Variants in TECPR1 observed in about 807,000 individuals in gnomAD.
TECPR1 encodes tectonin beta-propeller repeat containing 1, also known as tectonin beta-propeller repeat-containing protein 1.
TECPR1 carries 122 observed loss-of-function variants against 162.4 expected under a neutral mutation model. The ratio of observed to expected loss-of-function variants is 0.75; its 90% CI spans 0.65 to 0.87. The LOEUF is 0.87. TECPR1 is among the 40% of genes least tolerant of loss of function. The probability of loss-of-function intolerance (pLI) is 0.00; values close to 1 mark genes in which losing one functional copy is unlikely to be tolerated. For synonymous variants in TECPR1, 642 were observed against 670.6 expected, an observed-to-expected ratio of 0.96 and a Z score of 0.66; for missense variants, 1,432 against 1,618.2, an observed-to-expected ratio of 0.88 and a Z score of 1.97.
At chr7:98,247,021 G>A (rs1000583312) in intron 2 of TECPR1, among the ~76,000 whole-genome samples, 13 of 151,784 alleles carry the variant, frequency 8.6e-5, no homozygotes, top group South Asian at 8.3e-4. Context: ...GCCTGTAGTC[G>A]CAGCTACTCA....
At position 98,217,695 on chromosome 7, in the gene TECPR1, G is replaced by C; in HGVS notation, c.3381C>G (p.Ile1127Met). Residue 1127 changes from isoleucine (I) to methionine (M), a missense_variant, in exon 25 of 26, where the codon ATC becomes ATG. Coordinates refer to ENST00000447648, the MANE Select transcript of TECPR1 (RefSeq NM_015395.3). ...CAAGGCCGCGGGCCCCGCTCACCCCGATGCCGTAGTCCCAGCCGTGGCCCT... is the reference window on the plus strand; with the variant it reads ...CAAGGCCGCGGGCCCCGCTCACCCCCATGCCGTAGTCCCAGCCGTGGCCCT... Reference protein sequence around the residue: ...EPKGHGWDYGIGGGWDHISVR... With the variant: ...EPKGHGWDYGMGGGWDHISVR... 4 of 1,542,836 alleles carry C rather than the reference G, an allele frequency of 2.6e-6. No homozygotes were observed. Among genetic ancestry groups the C allele is most frequent in the Non-Finnish European group, 3.5e-6 (4 of 1,142,844 alleles).
chr7:98,247,874 C>A (rs1384369190), intron 2 of TECPR1, among the ~76,000 whole-genome samples: 1 of 152,128 alleles, frequency 6.6e-6, no homozygotes, highest in Non-Finnish European at 1.5e-5. Flanking sequence ...AGGCATGTGC[C>A]ACCGTACCTG....
At chr7:98,221,485 T>TG (rs1798138389) in intron 23 of TECPR1, among the ~76,000 whole-genome samples, 176 bp downstream of exon 23, 1 of 90,250 alleles carries the variant, frequency 1.1e-5, no homozygotes, top group African/African-American at 3.8e-5. Context: ...AATTAAAGTT[T>TG]TTTTTTTTTT....
intron 17 of TECPR1, among the ~76,000 whole-genome samples, chr7:98,225,685 G>A (rs1028429337): frequency 6.6e-5 from 10 of 151,908 alleles, no homozygotes; most frequent in Admixed American, 6.6e-5. Context: ...ACAGGCTGTC[G>A]CTCTGTCACC....
At chr7:98,231,564 C>T in intron 13 of TECPR1, 191 bp from the exon 14 acceptor site, 1 of 608,356 alleles carries the variant, frequency 1.6e-6, no homozygotes, top group South Asian at 2.1e-5. Flanking sequence ...TCTGTACCCC[C>T]TCCCCTGGGC....
intron 5 of TECPR1, 147 bp from the exon 6 acceptor site, chr7:98,243,739 C>T (rs1562944434): frequency 8.9e-7 from 1 of 1,119,902 alleles, no homozygotes; most frequent in African/African-American, 1.6e-5. Flanking sequence ...AGCATCAGGA[C>T]TGTGGGGGCC....
intron 6 of TECPR1, among the ~76,000 whole-genome samples, chr7:98,242,838 C>T (rs145495240): frequency 0.24 from 30,248 of 123,796 alleles, 952 homozygotes; most frequent in Non-Finnish European, 0.34. Context: ...TGTCCATCTG[C>T]ACATACCTTC....
At chr7:98,222,848 T>A (rs1489364933) in intron 21 of TECPR1, 142 bp downstream of exon 21, 1 of 1,151,654 alleles carries the variant, frequency 8.7e-7, no homozygotes, top group Non-Finnish European at 1.2e-6. Context: ...CTGGGCCAAC[T>A]GCCCCAGGGC....
intron 6 of TECPR1, among the ~76,000 whole-genome samples, chr7:98,242,779 C>G (rs1417324126): frequency 1.6e-5 from 2 of 128,928 alleles, no homozygotes; most frequent in Non-Finnish European, 3.3e-5. Flanking sequence ...ACCCACCCAC[C>G]CATCCATCCA....
At chr7:98,230,811 TGGG>T (rs1798412490) in intron 15 of TECPR1, 147 bp downstream of exon 15, 7 of 1,087,718 alleles carry the variant, frequency 6.4e-6, no homozygotes, top group Non-Finnish European at 9.0e-6. Context: ...CAGGGGGACT[TGGG>T]GGCCTGGGAA....
rs1798166726 is a variant in TECPR1, at chr7:98,222,487, G to C, written c.2963C>G (p.Pro988Arg). 1 of 1,592,530 alleles carries C rather than the reference G, an allele frequency of 6.3e-7. No homozygotes were observed. Among genetic ancestry groups the C allele is most frequent in the Non-Finnish European group, 8.5e-7 (1 of 1,170,944 alleles). ...SSWLHVGTDQ[P>R]FASISIGACY... ...GGCCCCGATGGAGATGGAGGCGAAGGGCTGGTCGGTGCCAACGTGCAGCCA... is the reference window on the plus strand; with the variant it reads ...GGCCCCGATGGAGATGGAGGCGAAGCGCTGGTCGGTGCCAACGTGCAGCCA... The change falls in exon 22 of 26, where the codon CCC becomes CGC. Residue 988 changes from proline to arginine, a missense_variant. By Grantham distance (103) the Pro-to-Arg change is moderately radical. Coordinates refer to ENST00000447648, the MANE Select transcript of TECPR1 (RefSeq NM_015395.3).
At chr7:98,229,422 G>A (rs1299564450) in intron 15 of TECPR1, among the ~76,000 whole-genome samples, 1 of 152,188 alleles carries the variant, frequency 6.6e-6, no homozygotes, top group East Asian at 1.9e-4. Flanking sequence ...GGAGTCTTCT[G>A]GAACCCACCC....
chr7:98,240,056 C>A (rs1798705947), intron 8 of TECPR1, among the ~76,000 whole-genome samples: 1 of 152,004 alleles, frequency 6.6e-6, no homozygotes, highest in Non-Finnish European at 1.5e-5. Context: ...TTGGAGTGAG[C>A]AGAGATTGCG....
chr7:98,240,387 A>C (rs921283694), intron 8 of TECPR1, among the ~76,000 whole-genome samples: 20 of 152,202 alleles, frequency 1.3e-4, no homozygotes, highest in African/African-American at 4.3e-4. Context: ...GCAACAAACA[A>C]TGCATGGTGC....
At position 98,221,702 on chromosome 7, in the gene TECPR1, A is replaced by T; in HGVS notation, c.3116T>A (p.Val1039Glu). 6.2e-7 allele frequency: 1 copy of T among 1,613,376 alleles called. No homozygotes were observed. Among genetic ancestry groups the T allele is most frequent in the Non-Finnish European group, 8.5e-7 (1 of 1,179,818 alleles). ...PSPPRQRLKQ[V>E]SAGQTSVYAL... ...ATACACCGACGTCTGCCCCGCGGAC[A>T]CCTGCTTCAGCCTCTGTCTCGGTGG... is the stretch of plus-strand genomic sequence containing the variant. Residue 1039 changes from valine to glutamate, a missense_variant, in exon 23 of 26, where the codon GTG (valine) becomes GAG (glutamate). Transcript: ENST00000447648.
rs543667286 is a variant in TECPR1 at position 98,225,404 on chromosome 7, G to A, written c.2514-302C>T. Among the ~76,000 whole-genome samples the A allele has an allele frequency of 1.2e-4, 19 of 152,230 alleles. No homozygotes were observed. In the South Asian group the frequency reaches 2.7e-3, roughly 22 times the overall value. On this transcript the variant is annotated intron_variant, in intron 17 of 25. Coordinates refer to ENST00000447648, the MANE Select transcript of TECPR1 (RefSeq NM_015395.3). The stretch of plus-strand genomic sequence containing the variant: ...CAAAAAATTAGCCAGGTGTGGTGGC[G>A]GATGCCTGTAGTCCCAGCTACTCAG...
rs549965491 is a variant in TECPR1 at position 98,216,687 on chromosome 7, G to A, written c.*703C>T. On this transcript the variant is annotated 3_prime_UTR_variant, in exon 26 of 26. Coordinates refer to ENST00000447648, the MANE Select transcript of TECPR1 (RefSeq NM_015395.3). Reference sequence around the variant, plus strand: ...TTCTCCTGCCTCAGCCTCCCGAGTAGCTGGGATTACAGGCACCCACCACCA... The same window carrying A: ...TTCTCCTGCCTCAGCCTCCCGAGTAACTGGGATTACAGGCACCCACCACCA... 1 of 151,068 alleles carries A rather than the reference G, an allele frequency of 6.6e-6. No individual in the cohort carries two copies. Among genetic ancestry groups the A allele is most frequent in the Non-Finnish European group, 1.5e-5 (1 of 67,922 alleles). 9.4% of individuals were successfully genotyped at this position (151,068 alleles called of 1,614,324 possible).
chr7:98,246,191 G>T (rs778754790), intron 2 of TECPR1, 26 bp from the exon 3 acceptor site: 2 of 1,473,404 alleles, frequency 1.4e-6, no homozygotes, highest in Non-Finnish European at 1.8e-6. Context: ...GAGGGCCAGC[G>T]TTCAGGCTCC....
rs544679303 is a variant in TECPR1, at chr7:98,217,733, G to A, written c.3343C>T (p.Pro1115Ser). The A allele has an allele frequency of 6.6e-5, 102 of 1,550,046 alleles. 4 individuals are homozygous for A. The South Asian group carries it at 1.1e-3, about 17-fold the overall frequency. Reference protein sequence around the residue: ...GTVCHRTGVQPHEPKGHGWDY... With the variant: ...GTVCHRTGVQSHEPKGHGWDY... ...CAGCCGTGGCCCTTGGGCTCGTGAG[G>A]CTGCACGCCGGTGCGATGACACACT... Residue 1115 changes from proline (P) to serine (S), a missense_variant, in exon 25 of 26, where the codon CCT becomes TCT. Pro to Ser is a moderately conservative substitution (Grantham distance 74). Coordinates refer to ENST00000447648, the MANE Select transcript of TECPR1 (RefSeq NM_015395.3).
Sources: allele counts gnomAD v4.1 joint callset (sites outside exome capture counted in the v4.1 genomes callset), GRCh38; gene constraint gnomAD v4.1.1; transcripts MANE v1.5; gene names NCBI Gene and HGNC (gene_info 2026-07-23, HGNC 2026-07-21).